The following MCF2L variants were observed in gnomAD, a reference collection of about 807,000 sequenced individuals.
MCF2L encodes guanine nucleotide exchange factor DBS.
A neutral mutation model predicts 153.4 loss-of-function variants in MCF2L; 97 were observed. The ratio of observed to expected loss-of-function variants is 0.63; its 90% CI spans 0.54 to 0.75. MCF2L has a LOEUF of 0.75. Ranked by LOEUF, MCF2L falls within the 30% of genes least tolerant of loss-of-function variation. MCF2L has a pLI of 0.00. For synonymous variants in MCF2L, 659 were observed against 632.2 expected, an observed-to-expected ratio of 1.04 and a Z score of -0.64; for missense variants, 1,347 against 1,495.2, an observed-to-expected ratio of 0.90 and a Z score of 1.64.
rs559369909 is a variant in MCF2L, at chr13:112,918,119, T to C, written c.169+15748T>C. ...GAAGGCAGGACCTGTCTCTGAGTCA[T>C]TGTGCTGCCTTCATAATTCCTAGCA... On this transcript the variant is annotated intron_variant, in intron 2 of 29. Coordinates refer to the MCF2L transcript ENST00000375608. Among the ~76,000 whole-genome samples, 3 of 152,378 alleles carry C rather than the reference T, an allele frequency of 2.0e-5. No individual in the cohort carries two copies. In the South Asian group the frequency reaches 6.2e-4, roughly 32 times the overall value.
rs984939616 is a variant in MCF2L at position 113,033,397 on chromosome 13, G to A, written c.278+8639G>A. Among the ~76,000 whole-genome samples the A allele has an allele frequency of 7.0e-3, 190 of 27,188 alleles. 4 individuals carry two copies. Among genetic ancestry groups the A allele is most frequent in the East Asian group, 0.014 (10 of 720 alleles). The allele number at this position is 27,188 out of a possible 152,430, so 17.8% of individuals were successfully genotyped here. Reference sequence around the variant, plus strand: ...CCGTGACGTGAGTGGCCCCCGTGATGTGAGTGGACCCCGTGGCGTGAGTGG... The same window carrying A: ...CCGTGACGTGAGTGGCCCCCGTGATATGAGTGGACCCCGTGGCGTGAGTGG... On this transcript the variant is annotated intron_variant, in intron 3 of 29. Transcript: ENST00000535094.
intron 1 of MCF2L, among the ~76,000 whole-genome samples, chr13:112,974,482 C>T (rs1466099816): frequency 6.6e-6 from 1 of 152,138 alleles, no homozygotes; most frequent in African/African-American, 2.4e-5. Flanking sequence ...TAAGCCTGGC[C>T]CCTTGGGTGT....
At chr13:112,959,083 A>C (rs2081793979) in intron 2 of MCF2L, among the ~76,000 whole-genome samples, 1 of 152,190 alleles carries the variant, frequency 6.6e-6, no homozygotes, top group African/African-American at 2.4e-5. Context: ...ATTGCGGATA[A>C]ATGTTAACCT....
At position 112,960,418 on chromosome 13, in the gene MCF2L, C is replaced by T. The variant is rs1186558999; in HGVS notation, c.170-54345C>T. 3.3e-5 allele frequency among the ~76,000 whole-genome samples: 5 copies of T among 152,202 alleles called. No individual in the cohort carries two copies. The highest frequency in any genetic ancestry group is 3.9e-4 in the East Asian group (2 of 5,190). Reference sequence around the variant, plus strand: ...CATTGGGGGTGAGGTTTCCCACACACGACCTTTGGGGGACACATTAAACCC... The same window carrying T: ...CATTGGGGGTGAGGTTTCCCACACATGACCTTTGGGGGACACATTAAACCC... On this transcript the variant is annotated intron_variant, in intron 2 of 29. Transcript: ENST00000375608. The surrounding 1 kb of genome is among the most constrained non-coding windows in gnomAD (Gnocchi z 4.2).
At chr13:113,055,952 G>A (rs781576474) in intron 4 of MCF2L, among the ~76,000 whole-genome samples, 3 of 152,288 alleles carry the variant, frequency 2.0e-5, no homozygotes, top group African/African-American at 4.8e-5. Flanking sequence ...AGAGTCCCCC[G>A]GAAGCCATCA....
chr13:113,038,486 G>T (rs957990180), intron 3 of MCF2L, among the ~76,000 whole-genome samples: 1 of 148,190 alleles, frequency 6.7e-6, no homozygotes, highest in Admixed American at 6.7e-5. Flanking sequence ...AAAAAAGAAA[G>T]AAATTAAAGT....
In MCF2L at chr13:112,993,354, C is replaced by A. The variant is rs564816114; in HGVS notation, c.80-21409C>A. Among the ~76,000 whole-genome samples, 1 of 152,210 alleles carries A rather than the reference C, an allele frequency of 6.6e-6. No homozygotes were observed. Among genetic ancestry groups the A allele is most frequent in the Non-Finnish European group, 1.5e-5 (1 of 68,034 alleles). On this transcript the variant is annotated intron_variant, in intron 1 of 29. Transcript: ENST00000535094. This position sits in a 1 kb window ranked among gnomAD's most constrained non-coding sequence, Gnocchi z 4.6. ...GACCTGAGGGCTCTGGGGTCAACACCGGTCCAGGAATTTGACTGTTAGCCA... is the reference window on the plus strand; with the variant it reads ...GACCTGAGGGCTCTGGGGTCAACACAGGTCCAGGAATTTGACTGTTAGCCA...
intron 2 of MCF2L, among the ~76,000 whole-genome samples, chr13:113,016,450 G>T (rs1032722032): frequency 7.2e-5 from 11 of 152,160 alleles, no homozygotes; most frequent in African/African-American, 2.7e-4. Flanking sequence ...CTGGGCTCAG[G>T]ATCACAGCCC....
intron 2 of MCF2L, chr13:112,917,338 G>A (rs747888791): frequency 2.2e-5 from 8 of 366,812 alleles, no homozygotes; most frequent in African/African-American, 4.2e-5. Context: ...AAACCCCATC[G>A]TCCTCATCTG....
intron 2 of MCF2L, among the ~76,000 whole-genome samples, chr13:112,944,387 A>G (rs1297997038): frequency 6.6e-6 from 1 of 152,012 alleles, no homozygotes; most frequent in East Asian, 1.9e-4. Context: ...GTCTCGGGGC[A>G]GCACAGACGT....
At chr13:113,056,858 CGGCGCTGAGTGGGTGCTGAGTG>C (rs2029979785) in intron 4 of MCF2L, among the ~76,000 whole-genome samples, 1 of 66,400 alleles carries the variant, frequency 1.5e-5, no homozygotes. Context: ...CTGAGTGTTT[CGGCGCTGAGTGGGTGCTGAGTG>C]GGTGCTGTGT....
intron 2 of MCF2L, among the ~76,000 whole-genome samples, chr13:112,950,706 C>T (rs1020658708): frequency 2.6e-5 from 4 of 152,226 alleles, no homozygotes; most frequent in East Asian, 1.9e-4. Context: ...CCAAGTTTTA[C>T]ACCTTATATT....
intron 1 of MCF2L, chr13:113,001,640 G>A: frequency 1.6e-6 from 2 of 1,286,750 alleles, no homozygotes; most frequent in Non-Finnish European, 2.0e-6. Context: ...CCTGGCCGGG[G>A]CTCAGCTGTC....
At chr13:113,036,194 T>C (rs1246809131) in intron 3 of MCF2L, among the ~76,000 whole-genome samples, 1 of 152,218 alleles carries the variant, frequency 6.6e-6, no homozygotes, top group Non-Finnish European at 1.5e-5. Context: ...TTGGCCAGTG[T>C]TGCAGAAGCT....
At chr13:113,011,705 C>T (rs368336180) in intron 1 of MCF2L, among the ~76,000 whole-genome samples, 93 of 71,246 alleles carry the variant, frequency 1.3e-3, no homozygotes, top group South Asian at 1.7e-3. Flanking sequence ...CGGTGGACAC[C>T]GTGATGCGGA....
At position 113,031,818 on chromosome 13, in the gene MCF2L, C is replaced by T. The variant is rs1488584484; in HGVS notation, c.278+7060C>T. Among the ~76,000 whole-genome samples, 3 of 152,048 alleles carry T rather than the reference C, an allele frequency of 2.0e-5. No individual in the cohort carries two copies. Among genetic ancestry groups the T allele is most frequent in the African/African-American group, 7.2e-5 (3 of 41,396 alleles). Reference sequence around the variant, plus strand: ...GGGGTCACATTCAGCCCATAAGAGGCATGTACACATACAGATGCACACACG... The same window carrying T: ...GGGGTCACATTCAGCCCATAAGAGGTATGTACACATACAGATGCACACACG... On this transcript the variant is annotated intron_variant, in intron 3 of 29. Transcript: ENST00000535094. The surrounding 1 kb of genome is among the most constrained non-coding windows in gnomAD (Gnocchi z 5.5).
intron 14 of MCF2L, 47 bp downstream of exon 14, chr13:113,078,483 G>A (rs771602136): frequency 6.5e-7 from 1 of 1,543,190 alleles, no homozygotes; most frequent in Admixed American, 1.7e-5. Flanking sequence ...CCCCTCCTTG[G>A]TTCACGCTGG....
chr13:113,063,412 AC>A (rs1248515674), intron 5 of MCF2L, among the ~76,000 whole-genome samples: 1 of 139,416 alleles, frequency 7.2e-6, no homozygotes, highest in East Asian at 2.1e-4. Flanking sequence ...GTGTCCAGAC[AC>A]CCCTGTCCAC....
chr13:113,034,040 T>A (rs563100119), intron 3 of MCF2L: 112 of 167,134 alleles, frequency 6.7e-4, no homozygotes, highest in African/African-American at 2.7e-3. Context: ...TTACTGCTGT[T>A]GAATTCAACA....
Sources: allele counts gnomAD v4.1 joint callset (sites outside exome capture counted in the v4.1 genomes callset), GRCh38; gene constraint gnomAD v4.1.1; non-coding constraint Gnocchi (gnomAD v3.1); transcripts MANE v1.5; gene names NCBI Gene and HGNC (gene_info 2026-07-23, HGNC 2026-07-21).